Variants in CSMD1 observed in about 807,000 individuals in gnomAD.
CSMD1 encodes CUB and sushi domain-containing protein 1.
In CSMD1, 213 loss-of-function variants were observed where a neutral mutation model predicts 417.5. The observed-to-expected ratio is 0.51, with a 90% CI of 0.46 to 0.57. CSMD1 has a LOEUF of 0.57. Ranked by LOEUF, CSMD1 falls within the 20% of genes least tolerant of loss-of-function variation. CSMD1 has a pLI of 0.00. For missense variants in CSMD1, 6,923 were observed against 4,529.7 expected (o/e 1.53, Z -15.17); for synonymous variants, 2,862 against 1,736.8 (o/e 1.65, Z -16.11).
At chr8:4,916,264 G>T (rs1269351795) in intron 1 of CSMD1, among the ~76,000 whole-genome samples, 1 of 149,138 alleles carries the variant, frequency 6.7e-6, no homozygotes, top group Non-Finnish European at 1.5e-5. Context: ...ACGATGACAA[G>T]AACACGGGGT....
chr8:4,633,666 C>G (rs570019416), intron 2 of CSMD1, among the ~76,000 whole-genome samples: 110 of 152,236 alleles, frequency 7.2e-4, no homozygotes, highest in Middle Eastern at 3.4e-3. Context: ...AAGTGATTCT[C>G]CTGCCTCAGC....
intron 10 of CSMD1, 39 bp downstream of exon 10, chr8:3,574,906 T>C: frequency 6.2e-7 from 1 of 1,606,972 alleles, no homozygotes; most frequent in Non-Finnish European, 8.5e-7. Context: ...ATAAGAGTGC[T>C]GTGTGCATTA....
intron 2 of CSMD1, among the ~76,000 whole-genome samples, chr8:4,525,314 G>C (rs530328972): frequency 2.6e-5 from 4 of 152,064 alleles, no homozygotes; most frequent in Admixed American, 6.6e-5. Flanking sequence ...TGTGGCCAAG[G>C]CTCCCGGCAT....
intron 5 of CSMD1, among the ~76,000 whole-genome samples, chr8:3,795,107 C>T (rs78331569): frequency 0.73 from 63,951 of 87,998 alleles, 25,257 homozygotes; most frequent in Middle Eastern, 0.77. Context: ...CTATCATGTA[C>T]AGCTATAGAT....
At chr8:4,264,112 A>C (rs1804076492) in intron 3 of CSMD1, among the ~76,000 whole-genome samples, 1 of 152,172 alleles carries the variant, frequency 6.6e-6, no homozygotes, top group South Asian at 2.1e-4. Flanking sequence ...GAATAAATGG[A>C]GTGACATTTG....
intron 46 of CSMD1, 59 bp from the exon 47 acceptor site, chr8:3,097,096 G>C (rs1815361189): frequency 1.5e-6 from 2 of 1,327,998 alleles, no homozygotes; most frequent in East Asian, 2.6e-5. Context: ...ACTGCAATAG[G>C]ATAGTTTCTA....
At chr8:4,154,712 T>G (rs531964926) in intron 3 of CSMD1, among the ~76,000 whole-genome samples, 1 of 152,126 alleles carries the variant, frequency 6.6e-6, no homozygotes, top group Non-Finnish European at 1.5e-5. Context: ...GAAAAAGAGA[T>G]CATGTTTGTA....
At chr8:4,276,263 G>A (rs765048288) in intron 3 of CSMD1, among the ~76,000 whole-genome samples, 13 of 152,114 alleles carry the variant, frequency 8.5e-5, no homozygotes, top group Non-Finnish European at 1.8e-4. Context: ...AAAAAATGTG[G>A]CACATATACA....
chr8:3,237,273 C>G (rs1352953948), intron 26 of CSMD1, among the ~76,000 whole-genome samples: 2 of 151,464 alleles, frequency 1.3e-5, no homozygotes, highest in African/African-American at 4.9e-5. Flanking sequence ...CGAGACCAGT[C>G]TGACCAACAT....
At chr8:4,963,465 G>T (rs1361122764) in intron 1 of CSMD1, among the ~76,000 whole-genome samples, 1 of 152,156 alleles carries the variant, frequency 6.6e-6, no homozygotes, top group African/African-American at 2.4e-5. Flanking sequence ...CTCCCAAAGT[G>T]CTGGGATTAC....
intron 7 of CSMD1, among the ~76,000 whole-genome samples, chr8:3,683,413 C>G (rs1799770830): frequency 6.6e-6 from 1 of 151,830 alleles, no homozygotes; most frequent in Non-Finnish European, 1.5e-5. Flanking sequence ...TAATTACAGG[C>G]AATGGTTTGA....
chr8:4,643,396 C>T (rs189558077), intron 1 of CSMD1, among the ~76,000 whole-genome samples: 3 of 152,206 alleles, frequency 2.0e-5, no homozygotes, highest in Non-Finnish European at 2.9e-5. Flanking sequence ...TCCAAAGCAT[C>T]TTTCATTTTT....
intron 9 of CSMD1, among the ~76,000 whole-genome samples, chr8:3,578,873 C>A (rs535408830): frequency 1.3e-5 from 2 of 152,150 alleles, no homozygotes; most frequent in Non-Finnish European, 2.9e-5. Context: ...TACAGTATAC[C>A]AGTGCCAAGC....
chr8:3,702,597 G>A (rs565322715), intron 7 of CSMD1, among the ~76,000 whole-genome samples: 9 of 152,336 alleles, frequency 5.9e-5, no homozygotes, highest in South Asian at 4.1e-4. Flanking sequence ...TTGGGAGGCC[G>A]AGGCAGGCAG....
In CSMD1 at chr8:3,865,814, G is replaced by A. The variant is rs570896944; in HGVS notation, c.819-111772C>T. 5.3e-5 allele frequency among the ~76,000 whole-genome samples: 8 copies of A among 152,202 alleles called. 1 individual carries two copies. The South Asian group carries it at 1.7e-3, about 32-fold the overall frequency. On this transcript the variant is annotated intron_variant, in intron 5 of 69. Transcript: ENST00000635120. ...TAAGTGCCTCTTTTTTTGGTATACT[G>A]TAAATACCCTTCTCACATTGCTCCA... is the stretch of plus-strand genomic sequence containing the variant.
intron 6 of CSMD1, among the ~76,000 whole-genome samples, chr8:3,744,481 C>G (rs546291084): frequency 7.9e-6 from 1 of 126,418 alleles, no homozygotes; most frequent in Admixed American, 9.5e-5. Flanking sequence ...GACTTCTAAA[C>G]TTTTTGGAGG....
chr8:4,049,992 C>G (rs1261165730), intron 3 of CSMD1, among the ~76,000 whole-genome samples: 1 of 152,182 alleles, frequency 6.6e-6, no homozygotes, highest in Non-Finnish European at 1.5e-5. Context: ...TCGGACCTCC[C>G]TTGTTTTAAG....
At chr8:4,332,956 A>C (rs894998246) in intron 3 of CSMD1, among the ~76,000 whole-genome samples, 2 of 151,874 alleles carry the variant, frequency 1.3e-5, no homozygotes, top group African/African-American at 4.8e-5. Context: ...AAAAAAAAAA[A>C]ACTAAGATTT....
chr8:3,294,223 G>T (rs60330660), intron 25 of CSMD1, among the ~76,000 whole-genome samples: 1 of 116,704 alleles, frequency 8.6e-6, no homozygotes, highest in Non-Finnish European at 2.1e-5. Context: ...TGAGGTGTCT[G>T]TTGGCCCCTA....
Sources: allele counts gnomAD v4.1 joint callset (sites outside exome capture counted in the v4.1 genomes callset), GRCh38; gene constraint gnomAD v4.1.1; transcripts MANE v1.5; gene names NCBI Gene and HGNC (gene_info 2026-07-23, HGNC 2026-07-21).